The following TMOD2 variants were observed in gnomAD, a reference collection of about 807,000 sequenced individuals.
TMOD2 encodes tropomodulin-2.
Under a neutral mutation model 39.9 loss-of-function variants are expected in TMOD2, and 22 were observed. The ratio of observed to expected loss-of-function variants is 0.55; its 90% confidence interval spans 0.39 to 0.79. The LOEUF (loss-of-function observed/expected upper bound fraction) is 0.79, where lower values mean the gene tolerates loss of function less well. Among genes scored for constraint, TMOD2 ranks in the 30% least tolerant of loss-of-function variants. TMOD2 has a pLI of 0.00. For synonymous variants in TMOD2, 123 were observed against 146.1 expected (o/e 0.84, Z 1.14); for missense variants, 386 against 413.3 (o/e 0.93, Z 0.57).
Position 51,781,193 on chromosome 15 carries a change from C to T in TMOD2, c.624+19C>T, listed in dbSNP as rs2055927433. On this transcript the variant is annotated intron_variant, in intron 6 of 9. Coordinates refer to ENST00000249700, the MANE Select transcript of TMOD2 (RefSeq NM_014548.4). ...CATTAAGGTATTTCATTGTGATTAT[C>T]ATCAGTCAGTTAATTTATCATGAGG... 1 of 1,581,652 alleles carries T rather than the reference C, an allele frequency of 6.3e-7. No individual in the cohort carries two copies. The highest frequency in any genetic ancestry group is 8.6e-7 in the Non-Finnish European group (1 of 1,168,650).
intron 8 of TMOD2, among the ~76,000 whole-genome samples, chr15:51,800,214 G>T (rs1252340074): frequency 1.3e-5 from 2 of 152,204 alleles, no homozygotes; most frequent in Non-Finnish European, 2.9e-5. Context: ...AGCTAGAATT[G>T]TGAAAATTTA....
intron 1 of TMOD2, among the ~76,000 whole-genome samples, chr15:51,763,450 T>C (rs1157741430): frequency 1.3e-5 from 2 of 152,250 alleles, no homozygotes; most frequent in Non-Finnish European, 2.9e-5. Context: ...ATCACTATTT[T>C]ACTTATCCAT....
chr15:51,800,253 A>G (rs2056078806), intron 8 of TMOD2, among the ~76,000 whole-genome samples: 3 of 152,206 alleles, frequency 2.0e-5, no homozygotes, highest in Admixed American at 2.0e-4. Context: ...CAATGCATAT[A>G]AAGAAGACCC....
In TMOD2 at chr15:51,815,704, A is replaced by G. The variant is rs2056184873; in HGVS notation, c.*7250A>G. 1 of 152,232 alleles carries G rather than the reference A, an allele frequency of 6.6e-6. No homozygotes were observed. The highest frequency in any genetic ancestry group is 2.4e-5 in the African/African-American group (1 of 41,466). The allele number at this position is 152,232 out of a possible 1,614,324, so 9.4% of individuals were successfully genotyped here. On this transcript the variant is annotated 3_prime_UTR_variant, in exon 10 of 10. Coordinates refer to ENST00000249700, the MANE Select transcript of TMOD2 (RefSeq NM_014548.4). Reference sequence around the variant, plus strand: ...ACAAAAACCCTTATATACATGGAATAGTTATATTTTAATTAAGCATTTATT... The same window carrying G: ...ACAAAAACCCTTATATACATGGAATGGTTATATTTTAATTAAGCATTTATT...
rs762062914 is a variant in TMOD2 at position 51,811,145 on chromosome 15, A to G, written c.*2691A>G. On this transcript the variant is annotated 3_prime_UTR_variant, in exon 10 of 10. Coordinates refer to ENST00000249700, the MANE Select transcript of TMOD2 (RefSeq NM_014548.4). ...GCACATATTGATGATAACCCTTAGA[A>G]AAACATACACTTGAGGAGCCTATCC... 6.6e-6 allele frequency: 1 copy of G among 152,162 alleles called. No individual in the cohort carries two copies. The highest frequency in any genetic ancestry group is 1.5e-5 in the Non-Finnish European group (1 of 68,034). 9.4% of individuals were successfully genotyped at this position (152,162 alleles called of 1,614,324 possible).
Position 51,798,397 on chromosome 15 carries a change from G to A in TMOD2, c.876+57G>A, listed in dbSNP as rs2056066756. 3.0e-5 allele frequency: 48 copies of A among 1,576,016 alleles called. 1 individual carries two copies. Among genetic ancestry groups the A allele is most frequent in the South Asian group, 2.9e-4 (25 of 85,938 alleles). ...CTCACAGGGTGTGCAGTGAGCGGGG[G>A]AAATGCCACAAGGAATGAGTTAAAA... On this transcript the variant is annotated intron_variant, in intron 8 of 9. Coordinates refer to ENST00000249700, the MANE Select transcript of TMOD2 (RefSeq NM_014548.4).
intron 8 of TMOD2, among the ~76,000 whole-genome samples, chr15:51,803,190 T>TTG (rs1555463181): frequency 6.7e-5 from 10 of 148,924 alleles, no homozygotes; most frequent in African/African-American, 2.2e-4. Context: ...TTTTTTTTTT[T>TTG]TCTTTTTGAG....
chr15:51,768,305 A>G lies in TMOD2; in HGVS notation c.170A>G (p.Gln57Arg), dbSNP rs767505992. 3 of 1,614,202 alleles carry G rather than the reference A, an allele frequency of 1.9e-6. No individual in the cohort carries two copies. In the South Asian group the frequency reaches 3.3e-5, roughly 18 times the overall value. Reference protein sequence around the residue: ...PAGFRQKDQTQKAATGPFDRE... With the variant: ...PAGFRQKDQTRKAATGPFDRE... ...GGATTTCGACAGAAAGACCAGACAC[A>G]GAAGGCAGCCACCGGCCCCTTTGAC... is the stretch of plus-strand genomic sequence containing the variant. The change falls in exon 3 of 10, where the codon CAG becomes CGG. Residue 57 changes from glutamine (Q) to arginine (R), a missense_variant. By Grantham distance (43) the Gln-to-Arg change is conservative. Transcript: ENST00000249700.
In TMOD2 at chr15:51,776,945, A is replaced by G. The variant is rs148028267; in HGVS notation, c.420A>G (p.Val140=). Residue 140 remains valine, a synonymous_variant, in exon 5 of 10, where the codon GTA becomes GTG. Coordinates refer to ENST00000249700, the MANE Select transcript of TMOD2 (RefSeq NM_014548.4). Reference sequence around the variant, plus strand: ...GACTGTTTTTAGCTGTCCTTGGAGTACACAATTTGCTCAACAATCCAAAGT... The same window carrying G: ...GACTGTTTTTAGCTGTCCTTGGAGTGCACAATTTGCTCAACAATCCAAAGT... ...ELYDLAAVLG[V]HNLLNNPKFD... 3 of 1,613,710 alleles carry G rather than the reference A, an allele frequency of 1.9e-6. No homozygotes were observed. Among genetic ancestry groups the G allele is most frequent in the Admixed American group, 3.3e-5 (2 of 60,006 alleles).
intron 1 of TMOD2, chr15:51,756,191 A>G (rs1374383938): frequency 6.6e-6 from 1 of 152,200 alleles, no homozygotes; most frequent in Non-Finnish European, 1.5e-5. Flanking sequence ...TGGCTTTTTG[A>G]CTGCTTCCTA....
In TMOD2 at chr15:51,798,355, A is replaced by G. The variant is rs747938014; in HGVS notation, c.876+15A>G. ...TTGACAACCAGGTAAGGAAGGCCAG[A>G]GAATAGGCAAAGTCAACTCACAGGG... On this transcript the variant is annotated intron_variant, in intron 8 of 9. Transcript: ENST00000249700. 1 of 1,612,822 alleles carries G rather than the reference A, an allele frequency of 6.2e-7. No individual in the cohort carries two copies. The highest frequency in any genetic ancestry group is 8.5e-7 in the Non-Finnish European group (1 of 1,179,638).
chr15:51,773,904 C>A (rs928193397), intron 4 of TMOD2, 70 bp downstream of exon 4: 56 of 1,515,136 alleles, frequency 3.7e-5, no homozygotes, highest in Non-Finnish European at 3.9e-5. Flanking sequence ...GCACCCATGG[C>A]AGCAGGCTTT....
intron 8 of TMOD2, among the ~76,000 whole-genome samples, chr15:51,804,813 C>T (rs1238145022): frequency 1.3e-5 from 2 of 152,082 alleles, no homozygotes; most frequent in African/African-American, 2.4e-5. Context: ...CCTCATGATC[C>T]GCCCGTCTCA....
chr15:51,787,879 T>G (rs1344702079), intron 7 of TMOD2, among the ~76,000 whole-genome samples: 1 of 152,124 alleles, frequency 6.6e-6, no homozygotes, highest in Non-Finnish European at 1.5e-5. Flanking sequence ...CAAAGGTAGC[T>G]AAAACCACAA....
intron 3 of TMOD2, among the ~76,000 whole-genome samples, chr15:51,771,911 G>T (rs1249194916): frequency 6.6e-6 from 1 of 152,094 alleles, no homozygotes; most frequent in Non-Finnish European, 1.5e-5. Flanking sequence ...TGATTCCAAG[G>T]CAGGAAGTAG....
At chr15:51,793,708 T>G (rs889099914) in intron 7 of TMOD2, among the ~76,000 whole-genome samples, 12 of 152,226 alleles carry the variant, frequency 7.9e-5, no homozygotes, top group Non-Finnish European at 1.8e-4. Context: ...CGCCCCTGTT[T>G]TGTTCAGCAC....
rs946846167 is a variant in TMOD2 at position 51,815,549 on chromosome 15, A to G, written c.*7095A>G. The G allele has an allele frequency of 1.3e-5, 2 of 152,214 alleles. No homozygotes were observed. Among genetic ancestry groups the G allele is most frequent in the African/African-American group, 4.8e-5 (2 of 41,456 alleles). The allele number at this position is 152,214 out of a possible 1,614,324, so 9.4% of individuals were successfully genotyped here. The stretch of plus-strand genomic sequence containing the variant: ...AGATAGGAATCGGCCATATGACGAA[A>G]TGAGATCAATAGGAAATGTGCTTTT... On this transcript the variant is annotated 3_prime_UTR_variant, in exon 10 of 10. Coordinates refer to ENST00000249700, the MANE Select transcript of TMOD2 (RefSeq NM_014548.4).
At chr15:51,780,570 C>T (rs1045207083) in intron 5 of TMOD2, among the ~76,000 whole-genome samples, 3 of 152,042 alleles carry the variant, frequency 2.0e-5, no homozygotes, top group African/African-American at 7.3e-5. Context: ...CCTTTCTCTC[C>T]CCATACCTTC....
intron 8 of TMOD2, among the ~76,000 whole-genome samples, chr15:51,800,733 T>C (rs2056081557): frequency 1.3e-5 from 2 of 152,276 alleles, no homozygotes; most frequent in South Asian, 4.1e-4. Context: ...TGAGACAAGG[T>C]CTCACTCTAT....
Sources: allele counts gnomAD v4.1 joint callset (sites outside exome capture counted in the v4.1 genomes callset), GRCh38; gene constraint gnomAD v4.1.1; transcripts MANE v1.5; gene names NCBI Gene and HGNC (gene_info 2026-07-23, HGNC 2026-07-21).